DYSF: variants seen among roughly 807,000 people sequenced by gnomAD.
DYSF encodes dystrophy-associated fer-1-like 1.
Under a neutral mutation model 274.9 loss-of-function variants are expected in DYSF, and 212 were observed. The observed-to-expected ratio is 0.77, with a 90% CI of 0.69 to 0.86. The LOEUF (loss-of-function observed/expected upper bound fraction) is 0.86. Ranked by LOEUF, DYSF falls within the 40% of genes least tolerant of loss-of-function variation. DYSF has a pLI of 0.00. For missense variants in DYSF, 2,666 were observed against 2,783.2 expected (o/e 0.96, Z 0.95); for synonymous variants, 1,091 against 1,078.7 (o/e 1.01, Z -0.22).
At chr2:71,666,040 C>T (rs1311993487) in intron 47 of DYSF, among the ~76,000 whole-genome samples, 2 of 151,612 alleles carry the variant, frequency 1.3e-5, no homozygotes, top group Non-Finnish European at 2.9e-5. Flanking sequence ...CCCCATCCCC[C>T]ACCCCCTCCT....
rs768043804 is a variant in DYSF at position 71,553,143 on chromosome 2, C to T, written c.1939C>T (p.Leu647=). 25 of 1,614,164 alleles carry T rather than the reference C, an allele frequency of 1.5e-5. No individual in the cohort carries two copies. The highest frequency in any genetic ancestry group is 2.0e-5 in the Non-Finnish European group (24 of 1,180,042). ...CGGGAACAAGTTCGACATGACCTGC[C>T]TGCCGCTGGCCTCCACCACTCAGTA... ...NYGNKFDMTC[L]PLASTTQYSR... The change falls in exon 20 of 56, where the codon CTG becomes TTG. Residue 647 remains leucine (L), a synonymous_variant. Transcript: ENST00000410020.
At chr2:71,633,695 A>T (rs1375522753) in intron 41 of DYSF, among the ~76,000 whole-genome samples, 5 of 152,088 alleles carry the variant, frequency 3.3e-5, no homozygotes, top group African/African-American at 1.2e-4. Flanking sequence ...ACAATAATAG[A>T]CCACATTTTT....
At chr2:71,641,354 T>G (rs2094483557) in intron 41 of DYSF, among the ~76,000 whole-genome samples, 1 of 151,866 alleles carries the variant, frequency 6.6e-6, no homozygotes, top group African/African-American at 2.4e-5. Flanking sequence ...AATTTTTTTG[T>G]ATTTTTAGTA....
chr2:71,521,982 A>G (rs1190803521), intron 12 of DYSF, among the ~76,000 whole-genome samples: 1 of 150,408 alleles, frequency 6.6e-6, no homozygotes, highest in African/African-American at 2.4e-5. Flanking sequence ...CTTGCCCCCC[A>G]TCTTCATCCA....
Position 71,564,154 on chromosome 2 carries a change from C to T in DYSF, c.2506C>T (p.Arg836Trp), listed in dbSNP as rs749002214. The T allele has an allele frequency of 1.3e-4, 210 of 1,614,126 alleles. 1 individual carries two copies. The South Asian group carries it at 1.7e-3, about 13-fold the overall frequency. The change falls in exon 24 of 56, where the codon CGG (arginine) becomes TGG (tryptophan). Residue 836 changes from arginine to tryptophan, a missense_variant. Coordinates refer to ENST00000410020, the MANE Select transcript of DYSF (RefSeq NM_001130987.2). ...RVPAHQVLFS[R>W]RGANYCGKNC... ...GCCCGCCCACCAAGTCCTCTTCTCC[C>T]GGCGGGGTGCCAACTACTGTGGCAA...
intron 24 of DYSF, among the ~76,000 whole-genome samples, chr2:71,565,088 T>C (rs2152807466): frequency 6.7e-6 from 1 of 148,892 alleles, no homozygotes; most frequent in East Asian, 2.0e-4. Flanking sequence ...CTCCTTACCT[T>C]TTTTTTTTTT....
chr2:71,566,223 G>A (rs1364777459), intron 24 of DYSF, among the ~76,000 whole-genome samples: 1 of 151,400 alleles, frequency 6.6e-6, no homozygotes, highest in Admixed American at 6.6e-5. Context: ...CGAGAGTGGC[G>A]GGGGCGGGGC....
intron 41 of DYSF, among the ~76,000 whole-genome samples, chr2:71,641,149 T>TA (rs1168256345): frequency 6.6e-6 from 1 of 151,416 alleles, no homozygotes; most frequent in Non-Finnish European, 1.5e-5. Context: ...TATCTACTTT[T>TA]AAAAATTAGA....
intron 3 of DYSF, among the ~76,000 whole-genome samples, chr2:71,485,441 A>G (rs1181580443): frequency 2.0e-5 from 3 of 152,200 alleles, no homozygotes; most frequent in Non-Finnish European, 4.4e-5. Flanking sequence ...CTGTAATCCC[A>G]GCTACTCAGG....
chr2:71,535,979 T>A (rs151082426), intron 16 of DYSF, among the ~76,000 whole-genome samples: 1 of 152,230 alleles, frequency 6.6e-6, no homozygotes, highest in East Asian at 1.9e-4. Flanking sequence ...AAAGACTGAG[T>A]GACCTGCCCG....
At chr2:71,674,071 C>G (rs2095176376) in intron 51 of DYSF, 126 bp from the exon 52 acceptor site, 6 of 810,516 alleles carry the variant, frequency 7.4e-6, no homozygotes, top group Admixed American at 2.0e-5. Flanking sequence ...GGACCTGGCT[C>G]TGGCAGGTCC....
chr2:71,582,250 G>C (rs1448349306), intron 30 of DYSF, among the ~76,000 whole-genome samples: 1 of 151,242 alleles, frequency 6.6e-6, no homozygotes, highest in African/African-American at 2.4e-5. Context: ...GAAGTCAAAA[G>C]TAGTTAGCAC....
intron 3 of DYSF, among the ~76,000 whole-genome samples, chr2:71,502,195 A>G (rs1470548439): frequency 6.6e-6 from 1 of 151,864 alleles, no homozygotes; most frequent in African/African-American, 2.4e-5. Flanking sequence ...TCACCTCGTT[A>G]GGTCGAGGTT....
At chr2:71,627,070 C>T (rs1288546903) in intron 41 of DYSF, among the ~76,000 whole-genome samples, 2 of 151,266 alleles carry the variant, frequency 1.3e-5, no homozygotes, top group African/African-American at 2.4e-5. Flanking sequence ...AGATTTTTTT[C>T]AGTCTATTCA....
intron 3 of DYSF, among the ~76,000 whole-genome samples, chr2:71,494,783 G>T (rs536468632): frequency 6.6e-6 from 1 of 152,356 alleles, no homozygotes; most frequent in Non-Finnish European, 1.5e-5. Context: ...ATCCTTGATA[G>T]ACAGTGTTGG....
chr2:71,678,907 G>A, intron 52 of DYSF, 150 bp from the exon 53 acceptor site: 2 of 708,852 alleles, frequency 2.8e-6, no homozygotes, highest in South Asian at 1.6e-5. Context: ...GGGAGGTGGA[G>A]AGTTCGTGAG....
chr2:71,676,868 C>T (rs2095230916), intron 52 of DYSF, among the ~76,000 whole-genome samples: 1 of 151,988 alleles, frequency 6.6e-6, no homozygotes, highest in South Asian at 2.1e-4. Flanking sequence ...AGCTCACCAT[C>T]CAGATAGCCT....
Position 71,500,249 on chromosome 2 carries a change from A to T in DYSF, c.240-2965A>T, listed in dbSNP as rs114853081. ...CAGGGGTCCCTCTTCTGCGCCCCCCACCTCTCCTCCCTGAGCAATGCTTCC... is the reference window on the plus strand; with the variant it reads ...CAGGGGTCCCTCTTCTGCGCCCCCCTCCTCTCCTCCCTGAGCAATGCTTCC... On this transcript the variant is annotated intron_variant, in intron 3 of 55. Transcript: ENST00000410020. Among the ~76,000 whole-genome samples the T allele has an allele frequency of 4.6e-3, 697 of 150,800 alleles. 3 individuals carry two copies. The highest frequency in any genetic ancestry group is 0.016 in the African/African-American group (655 of 41,052).
intron 55 of DYSF, among the ~76,000 whole-genome samples, chr2:71,682,989 G>T (rs1222728267): frequency 6.6e-6 from 1 of 152,204 alleles, no homozygotes; most frequent in Non-Finnish European, 1.5e-5. Flanking sequence ...AGGCCCTTTG[G>T]GTTGCGGTGG....
Sources: allele counts gnomAD v4.1 joint callset (sites outside exome capture counted in the v4.1 genomes callset), GRCh38; gene constraint gnomAD v4.1.1; transcripts MANE v1.5; gene names NCBI Gene and HGNC (gene_info 2026-07-23, HGNC 2026-07-21).